The following PAQR8 variants were observed in gnomAD, a reference collection of about 807,000 sequenced individuals.
PAQR8 encodes progestin and adipoQ receptor family member 8.
In PAQR8, 17 loss-of-function variants were observed where a neutral mutation model predicts 25.2. The observed-to-expected ratio is 0.67, with a 90% CI of 0.46 to 1.01. The LOEUF (loss-of-function observed/expected upper bound fraction) is 1.01. Among genes scored for constraint, PAQR8 ranks in the 50% least tolerant of loss-of-function variants. The pLI, the probability that PAQR8 is intolerant of heterozygous loss-of-function variation, is 0.00. For synonymous variants in PAQR8, 204 were observed against 190.6 expected (o/e 1.07, Z -0.58); for missense variants, 392 against 448.4 (o/e 0.87, Z 1.14).
intron 1 of PAQR8, among the ~76,000 whole-genome samples, chr6:52,365,930 A>T (rs1379422074): frequency 6.6e-6 from 1 of 152,184 alleles, no homozygotes; most frequent in African/African-American, 2.4e-5. Flanking sequence ...AAAGTTTAAA[A>T]GCCTCTTCTC....
intron 1 of PAQR8, among the ~76,000 whole-genome samples, chr6:52,387,519 C>T (rs1032941151): frequency 6.6e-5 from 10 of 152,232 alleles, no homozygotes; most frequent in Middle Eastern, 3.2e-3. Flanking sequence ...TTTTGAATAA[C>T]TTCCTTATGC....
rs374831754 is a variant in PAQR8 at position 52,403,339 on chromosome 6, G to A, written c.126G>A (p.Val42=). ...CTTGCACTGTCCCAGAAACGGATGT[G>A]CCCCAGCTCTTCCGGGAGCCTTACA... ...KMPCTVPETD[V]PQLFREPYIR... is the part of the protein sequence containing the mutation. The change falls in exon 2 of 2, where the codon GTG becomes GTA. Residue 42 remains valine, a synonymous_variant. Transcript: ENST00000442253. The A allele has an allele frequency of 9.3e-5, 150 of 1,614,130 alleles. No individual in the cohort carries two copies. Among genetic ancestry groups the A allele is most frequent in the Non-Finnish European group, 1.2e-4 (145 of 1,180,056 alleles).
At chr6:52,371,025 CAG>C (rs1261565149) in intron 1 of PAQR8, among the ~76,000 whole-genome samples, 7 of 152,074 alleles carry the variant, frequency 4.6e-5, no homozygotes, top group African/African-American at 1.4e-4. Flanking sequence ...CAGGAGATAA[CAG>C]AGATGAACAA....
chr6:52,388,292 C>T lies in PAQR8; in HGVS notation c.-52-14870C>T, dbSNP rs569238030. On this transcript the variant is annotated intron_variant, in intron 1 of 1. Transcript: ENST00000442253. Reference sequence around the variant, plus strand: ...TTGGGTGGCTGAGGCACAAGAATGGCTTGAGCCTGGGAGGTGGAGGTTGCA... The same window carrying T: ...TTGGGTGGCTGAGGCACAAGAATGGTTTGAGCCTGGGAGGTGGAGGTTGCA... Among the ~76,000 whole-genome samples, 73 of 151,900 alleles carry T rather than the reference C, an allele frequency of 4.8e-4. No individual in the cohort carries two copies. In the South Asian group the frequency reaches 0.015, roughly 31 times the overall value.
At position 52,385,390 on chromosome 6, in the gene PAQR8, G is replaced by A. The variant is rs116768302; in HGVS notation, c.-52-17772G>A. 3.3e-3 allele frequency among the ~76,000 whole-genome samples: 508 copies of A among 152,328 alleles called. 2 individuals are homozygous for A. The highest frequency in any genetic ancestry group is 0.012 in the African/African-American group (497 of 41,564). ...TTATAAATTACCTAGTCTCAGGTAT[G>A]TCTTTGTCAGCAGCATGAAAATAGA... On this transcript the variant is annotated intron_variant, in intron 1 of 1. Coordinates refer to ENST00000442253, the MANE Select transcript of PAQR8 (RefSeq NM_133367.5).
Position 52,404,242 on chromosome 6 carries a change from C to G in PAQR8, c.1029C>G (p.His343Gln), listed in dbSNP as rs1581800086. 6.2e-7 allele frequency: 1 copy of G among 1,611,918 alleles called. No individual in the cohort carries two copies. The highest frequency in any genetic ancestry group is 8.5e-7 in the Non-Finnish European group (1 of 1,178,424). ...CSAATAALLR[H>Q]KVKARLTKKD... ...CTGCCACCGCAGCCCTTCTGAGGCA[C>G]AAAGTCAAGGCCAGACTGACCAAGA... Residue 343 changes from histidine (H) to glutamine (Q), a missense_variant, in exon 2 of 2, where the codon CAC (histidine) becomes CAG (glutamine). Transcript: ENST00000442253.
Position 52,404,185 on chromosome 6 carries a change from C to T in PAQR8, c.972C>T (p.Cys324=). 1 of 1,614,030 alleles carries T rather than the reference C, an allele frequency of 6.2e-7. No homozygotes were observed. Residue 324 remains cysteine, a synonymous_variant, in exon 2 of 2, where the codon TGC becomes TGT. Transcript: ENST00000442253. The part of the protein sequence containing the change: ...RHGPLSVHMA[C]LSFFFLAACS... ...GACCCCTATCTGTCCACATGGCCTGCCTCTCCTTCTTCTTCCTGGCTGCCT... is the reference window on the plus strand; with the variant it reads ...GACCCCTATCTGTCCACATGGCCTGTCTCTCCTTCTTCTTCCTGGCTGCCT...
intron 1 of PAQR8, among the ~76,000 whole-genome samples, chr6:52,378,166 A>G (rs894318533): frequency 1.3e-5 from 2 of 152,242 alleles, no homozygotes; most frequent in Admixed American, 6.5e-5. Context: ...GTCACATGCA[A>G]TGACCTTAGA....
intron 1 of PAQR8, among the ~76,000 whole-genome samples, chr6:52,376,811 G>A (rs1460391101): frequency 6.6e-6 from 1 of 152,134 alleles, no homozygotes; most frequent in African/African-American, 2.4e-5. Flanking sequence ...TTGTTATTTG[G>A]GAATGCGAAA....
In PAQR8 at chr6:52,403,867, TCTGGCTTTTATCCTAGACATCAGCC is replaced by T; in HGVS notation, c.658_682del (p.Ala220TrpfsTer114). 4 of 1,614,236 alleles carry T rather than the reference TCTGGCTTTTATCCTAGACATCAGCC, an allele frequency of 2.5e-6. No homozygotes were observed. The highest frequency in any genetic ancestry group is 3.4e-6 in the Non-Finnish European group (4 of 1,180,040). On this transcript the variant is annotated frameshift_variant, in exon 2 of 2. Coordinates refer to ENST00000442253, the MANE Select transcript of PAQR8 (RefSeq NM_133367.5). LOFTEE classifies it high-confidence loss of function. ...AGATCTGTCAAGTGGTGCCAGCAGG[TCTGGCTTTTATCCTAGACATCAGCC>T]CTGTGGCACACCGTGTGGCGCTCTG...
rs898906653 is a variant in PAQR8 at position 52,368,527 on chromosome 6, G to GT, written c.-53+6279dup. Among the ~76,000 whole-genome samples the GT allele has an allele frequency of 3.0e-4, 46 of 152,226 alleles. 1 individual carries two copies. The highest frequency in any genetic ancestry group is 9.2e-4 in the Admixed American group (14 of 15,288). ...AGGGAATTAAAAATATCTAAGTAAC[G>GT]TAAGTGTTGTTAAACTTTTGTTTAG... On this transcript the variant is annotated intron_variant, in intron 1 of 1. Coordinates refer to ENST00000442253, the MANE Select transcript of PAQR8 (RefSeq NM_133367.5).
chr6:52,374,176 C>T (rs780484079), intron 1 of PAQR8, among the ~76,000 whole-genome samples: 3 of 152,190 alleles, frequency 2.0e-5, no homozygotes, highest in Non-Finnish European at 2.9e-5. Flanking sequence ...CCTGCAGAAC[C>T]GTGGCCAATT....
chr6:52,366,945 C>G (rs1308542426), intron 1 of PAQR8, among the ~76,000 whole-genome samples: 1 of 152,076 alleles, frequency 6.6e-6, no homozygotes, highest in African/African-American at 2.4e-5. Flanking sequence ...TTTTGACCAC[C>G]ATGTTGGTCA....
intron 1 of PAQR8, among the ~76,000 whole-genome samples, chr6:52,392,964 A>G (rs904357098): frequency 6.6e-6 from 1 of 152,244 alleles, no homozygotes; most frequent in South Asian, 2.1e-4. Context: ...TTGTAAGGCC[A>G]ACTGCAAGTT....
At chr6:52,367,452 G>A (rs536514420) in intron 1 of PAQR8, among the ~76,000 whole-genome samples, 2 of 152,188 alleles carry the variant, frequency 1.3e-5, no homozygotes, top group African/African-American at 4.8e-5. Context: ...CAGAAGGATC[G>A]CAATAAGTGT....
At chr6:52,369,610 A>G (rs1396149164) in intron 1 of PAQR8, among the ~76,000 whole-genome samples, 3 of 152,284 alleles carry the variant, frequency 2.0e-5, no homozygotes, top group East Asian at 3.9e-4. Context: ...AAATATACAT[A>G]CTCTGCTGAA....
In PAQR8 at chr6:52,406,276, A is replaced by G. The variant is rs949300002; in HGVS notation, c.*1998A>G. ...ATTACGGATTCAAAGACTTATTTTG[A>G]AAGTTGGAAGGAGAAGGGAGGGAAG... On this transcript the variant is annotated 3_prime_UTR_variant, in exon 2 of 2. Transcript: ENST00000442253. 2.5e-6 allele frequency: 1 copy of G among 403,668 alleles called. No homozygotes were observed. The highest frequency in any genetic ancestry group is 4.5e-6 in the Non-Finnish European group (1 of 220,438). The allele number at this position is 403,668 out of a possible 1,614,324, so 25.0% of individuals were successfully genotyped here.
intron 1 of PAQR8, among the ~76,000 whole-genome samples, chr6:52,389,748 A>C (rs944348239): frequency 2.0e-5 from 3 of 152,226 alleles, no homozygotes; most frequent in African/African-American, 7.2e-5. Context: ...TGGTGCTCCA[A>C]ACTCTAGCTC....
intron 1 of PAQR8, among the ~76,000 whole-genome samples, chr6:52,370,207 G>A (rs1005113970): frequency 3.3e-5 from 5 of 152,104 alleles, no homozygotes; most frequent in African/African-American, 1.2e-4. Context: ...CATCTGGGAT[G>A]TAAATATCTT....
Sources: gnomAD v4.1 joint callset for allele counts (sites outside exome capture counted in the v4.1 genomes callset) on GRCh38, gnomAD v4.1.1 for gene constraint, MANE v1.5 for transcripts, NCBI Gene and HGNC (gene_info 2026-07-23, HGNC 2026-07-21) for gene names.